CLASP2: variants seen among roughly 807,000 people sequenced by gnomAD.
The protein encoded by CLASP2 is CLIP-associating protein 2.
Under a neutral mutation model 194.4 loss-of-function variants are expected in CLASP2, and 47 were observed. That is an observed-to-expected ratio of 0.24 (90% CI 0.19 to 0.31). The LOEUF is 0.31. CLASP2 is among the 10% of genes least tolerant of loss of function. CLASP2 has a pLI of 1.00. For synonymous variants in CLASP2, 619 were observed against 633.5 expected (o/e 0.98, Z 0.34); for missense variants, 1,445 against 1,823.6 (o/e 0.79, Z 3.78).
chr3:33,614,885 G>A (rs2075838208), intron 12 of CLASP2, among the ~76,000 whole-genome samples: 1 of 152,096 alleles, frequency 6.6e-6, no homozygotes, highest in Admixed American at 6.5e-5. Context: ...CAGCTACTTG[G>A]GAGGCTGAGG....
chr3:33,596,475 A>C, intron 19 of CLASP2: 1 of 400,940 alleles, frequency 2.5e-6, no homozygotes, highest in Non-Finnish European at 4.5e-6. Context: ...AACATTTTAT[A>C]AGTTAAAACA....
intron 1 of CLASP2, among the ~76,000 whole-genome samples, chr3:33,710,825 C>T (rs1350359118): frequency 6.6e-6 from 1 of 152,148 alleles, no homozygotes; most frequent in Non-Finnish European, 1.5e-5. Context: ...GTCCCAGCTA[C>T]TCTGGAGGCT....
intron 12 of CLASP2, among the ~76,000 whole-genome samples, 173 bp from the exon 13 acceptor site, chr3:33,612,244 T>C (rs1321973034): frequency 6.6e-6 from 1 of 152,218 alleles, no homozygotes; most frequent in Non-Finnish European, 1.5e-5. Flanking sequence ...ATTAATGTAA[T>C]GTAATGATGA....
intron 1 of CLASP2, among the ~76,000 whole-genome samples, chr3:33,701,100 T>G (rs942077316): frequency 2.6e-5 from 4 of 152,142 alleles, no homozygotes; most frequent in Non-Finnish European, 5.9e-5. Context: ...ATTGGACAAC[T>G]TAATATTATA....
chr3:33,705,464 T>G (rs2092631410), intron 1 of CLASP2, among the ~76,000 whole-genome samples: 1 of 152,132 alleles, frequency 6.6e-6, no homozygotes, highest in Non-Finnish European at 1.5e-5. Context: ...GTTTTAAAAT[T>G]TACTGTGGTG....
At chr3:33,518,050 T>C (rs998059542) in intron 34 of CLASP2, among the ~76,000 whole-genome samples, 3 of 152,224 alleles carry the variant, frequency 2.0e-5, no homozygotes, top group African/African-American at 7.2e-5. Flanking sequence ...ACTCCTTCCA[T>C]GGGGTAGAAT....
intron 7 of CLASP2, chr3:33,645,293 C>T (rs369948412): frequency 6.5e-6 from 5 of 765,104 alleles, no homozygotes; most frequent in East Asian, 2.4e-5. Flanking sequence ...ATCACAGATC[C>T]GTTTGCAAAT....
chr3:33,663,197 C>CA (rs60671856), intron 7 of CLASP2, among the ~76,000 whole-genome samples: 6,939 of 100,736 alleles, frequency 0.069, 296 homozygotes, highest in African/African-American at 0.14. Context: ...GCAGTATCAC[C>CA]AAAAAAAAAA....
In CLASP2 at chr3:33,718,010, G is replaced by A. The variant is rs1366038636; in HGVS notation, c.-8C>T. 2.1e-6 allele frequency: 3 copies of A among 1,462,852 alleles called. No homozygotes were observed. Among genetic ancestry groups the A allele is most frequent in the African/African-American group, 2.9e-5 (2 of 68,836 alleles). 90.6% of individuals were successfully genotyped at this position (1,462,852 alleles called of 1,614,324 possible). On this transcript the variant is annotated 5_prime_UTR_variant, in exon 1 of 39. Coordinates refer to ENST00000682230, the MANE Select transcript of CLASP2 (RefSeq NM_001365631.1). ...CATGCTGCGGGGCTCCATGGCTGCG[G>A]CCGCCCGCCCGCCTGCCAGTCTGTG...
intron 20 of CLASP2, among the ~76,000 whole-genome samples, chr3:33,594,646 CACT>C (rs1324346768): frequency 2.0e-5 from 3 of 150,766 alleles, no homozygotes; most frequent in African/African-American, 7.3e-5. Context: ...GCATTAATGT[CACT>C]ACTATAAAAA....
intron 1 of CLASP2, among the ~76,000 whole-genome samples, chr3:33,704,284 T>G (rs962429934): frequency 2.2e-4 from 33 of 152,132 alleles, no homozygotes; most frequent in African/African-American, 8.0e-4. Flanking sequence ...ATCACTCTGG[T>G]AGGGGATGCT....
At chr3:33,598,931 C>T (rs2154249752) in intron 18 of CLASP2, among the ~76,000 whole-genome samples, 1 of 152,242 alleles carries the variant, frequency 6.6e-6, no homozygotes, top group Non-Finnish European at 1.5e-5. Flanking sequence ...CTTCAAAACA[C>T]TTAAAATATC....
At chr3:33,595,071 C>CA in intron 19 of CLASP2, 103 bp from the exon 20 acceptor site, 1 of 610,518 alleles carries the variant, frequency 1.6e-6, no homozygotes, top group African/African-American at 1.9e-5. Context: ...AGGGTAAAAA[C>CA]AAAAAATTAA....
intron 7 of CLASP2, among the ~76,000 whole-genome samples, chr3:33,658,467 G>A (rs2084696916): frequency 6.6e-6 from 1 of 152,102 alleles, no homozygotes; most frequent in Non-Finnish European, 1.5e-5. Flanking sequence ...ATATTTTCTA[G>A]AAAAATGTTG....
intron 29 of CLASP2, among the ~76,000 whole-genome samples, chr3:33,556,087 A>G (rs1472373553): frequency 6.6e-6 from 1 of 152,252 alleles, no homozygotes; most frequent in African/African-American, 2.4e-5. Flanking sequence ...CCAGAAAAAG[A>G]GGTCAGCAAA....
rs115466439 is a variant in CLASP2, at chr3:33,514,782, T to C, written c.4110+1241A>G. 1,395 of 212,236 alleles carry C rather than the reference T, an allele frequency of 6.6e-3. 22 individuals are homozygous for C. The highest frequency in any genetic ancestry group is 0.029 in the African/African-American group (1,276 of 44,324). The allele number at this position is 212,236 out of a possible 1,614,324, so 13.1% of individuals were successfully genotyped here. On this transcript the variant is annotated intron_variant, in intron 36 of 38. Coordinates refer to ENST00000682230, the MANE Select transcript of CLASP2 (RefSeq NM_001365631.1). Reference sequence around the variant, plus strand: ...AATATGGAAATAGCCCAAATGCACATCAATCAATGAATGGATAAAGAAATT... The same window carrying C: ...AATATGGAAATAGCCCAAATGCACACCAATCAATGAATGGATAAAGAAATT...
At chr3:33,647,183 A>C (rs566195391) in intron 7 of CLASP2, among the ~76,000 whole-genome samples, 1 of 152,304 alleles carries the variant, frequency 6.6e-6, no homozygotes, top group South Asian at 2.1e-4. Flanking sequence ...CTGAGGAAGT[A>C]GTAAACACAA....
chr3:33,587,976 T>C (rs1363010958), intron 21 of CLASP2, among the ~76,000 whole-genome samples: 1 of 152,232 alleles, frequency 6.6e-6, no homozygotes, highest in Admixed American at 6.5e-5. Flanking sequence ...TTTCTTGAAA[T>C]GTGGGTCTAT....
intron 7 of CLASP2, among the ~76,000 whole-genome samples, chr3:33,650,749 G>A (rs1418706241): frequency 1.3e-5 from 2 of 151,854 alleles, no homozygotes; most frequent in Non-Finnish European, 2.9e-5. Flanking sequence ...AGGAGGGAGA[G>A]ACTGGAGGAA....
Sources: gnomAD v4.1 joint callset for allele counts (sites outside exome capture counted in the v4.1 genomes callset) on GRCh38, gnomAD v4.1.1 for gene constraint, MANE v1.5 for transcripts, NCBI Gene and HGNC (gene_info 2026-07-23, HGNC 2026-07-21) for gene names.